The following EYS variants were observed in gnomAD, a reference collection of about 807,000 sequenced individuals.
EYS encodes protein eyes shut homolog.
Under a neutral mutation model 282.1 loss-of-function variants are expected in EYS, and 250 were observed. The observed-to-expected ratio is 0.89, with a 90% CI of 0.80 to 0.98. The LOEUF (loss-of-function observed/expected upper bound fraction) is 0.98, where lower values mean the gene tolerates loss of function less well. Ranked by LOEUF, EYS falls within the 50% of genes least tolerant of loss-of-function variation. EYS has a pLI of 0.00. For missense variants in EYS, 4,016 were observed against 3,709.0 expected (o/e 1.08, Z -2.15); for synonymous variants, 1,355 against 1,282.9 (o/e 1.06, Z -1.20).
chr6:65,311,706 G>A (rs1431833788), intron 11 of EYS, among the ~76,000 whole-genome samples: 1 of 152,192 alleles, frequency 6.6e-6, no homozygotes, highest in African/African-American at 2.4e-5. Flanking sequence ...AATGTTGGAA[G>A]CAACCATGTG....
At chr6:64,714,237 T>C (rs1287212075) in intron 22 of EYS, among the ~76,000 whole-genome samples, 1 of 152,140 alleles carries the variant, frequency 6.6e-6, no homozygotes, top group Non-Finnish European at 1.5e-5. Flanking sequence ...AAAACCTCAT[T>C]GTTTTGGGCT....
At chr6:63,724,344 A>T (rs768501954) in intron 42 of EYS, among the ~76,000 whole-genome samples, 5 of 152,184 alleles carry the variant, frequency 3.3e-5, no homozygotes, top group Non-Finnish European at 7.3e-5. Flanking sequence ...GAGACTACAG[A>T]ATCAGCATAT....
rs533999994 is a variant in EYS at position 65,279,245 on chromosome 6, G to T, written c.2023+16618C>A. On this transcript the variant is annotated intron_variant, in intron 12 of 42. Transcript: ENST00000503581. ...ATATGGTACCTGTTTACCTCAAGAT[G>T]TCTGTGCTTAGGGCTCTCTCTTCCT... Among the ~76,000 whole-genome samples the T allele has an allele frequency of 3.3e-5, 5 of 151,710 alleles. No individual in the cohort carries two copies. In the East Asian group the frequency reaches 9.7e-4, roughly 29 times the overall value.
chr6:64,291,183 A>G (rs573912498), intron 30 of EYS, among the ~76,000 whole-genome samples: 2 of 151,896 alleles, frequency 1.3e-5, no homozygotes, highest in Non-Finnish European at 2.9e-5. Flanking sequence ...GCCTGAGGGG[A>G]CTAGAGGATA....
At chr6:64,308,534 A>G (rs934320431) in intron 29 of EYS, among the ~76,000 whole-genome samples, 9 of 152,056 alleles carry the variant, frequency 5.9e-5, no homozygotes, top group African/African-American at 1.9e-4. Context: ...CCAAATTATG[A>G]CCAGAGAAAC....
At chr6:64,686,817 A>ATC (rs1770139765) in intron 22 of EYS, among the ~76,000 whole-genome samples, 1 of 43,794 alleles carries the variant, frequency 2.3e-5, no homozygotes, top group African/African-American at 7.4e-5. Context: ...GTGTATATAT[A>ATC]TATGTGTATA....
At chr6:65,290,073 A>G (rs1048974902) in intron 12 of EYS, among the ~76,000 whole-genome samples, 2 of 151,190 alleles carry the variant, frequency 1.3e-5, no homozygotes, top group East Asian at 1.9e-4. Context: ...TTAATTTAAT[A>G]TTTTTAGAAT....
At chr6:64,962,822 G>C (rs1201010871) in intron 14 of EYS, among the ~76,000 whole-genome samples, 1 of 152,048 alleles carries the variant, frequency 6.6e-6, no homozygotes. Flanking sequence ...GATTACCGAA[G>C]AGTAAGTATA....
intron 41 of EYS, chr6:63,741,944 T>C (rs1290083794): frequency 1.4e-6 from 1 of 702,338 alleles, no homozygotes; most frequent in African/African-American, 1.7e-5. Context: ...CTGCTGGTTT[T>C]GGCTTTTCCA....
chr6:64,693,513 C>G (rs956563463), intron 22 of EYS, among the ~76,000 whole-genome samples: 16 of 152,046 alleles, frequency 1.1e-4, no homozygotes, highest in African/African-American at 3.9e-4. Context: ...GCATCATTTA[C>G]AGGGGTGCCA....
At chr6:64,808,574 A>G (rs1481211823) in intron 22 of EYS, among the ~76,000 whole-genome samples, 1 of 152,040 alleles carries the variant, frequency 6.6e-6, no homozygotes, top group Non-Finnish European at 1.5e-5. Flanking sequence ...ACGTTAGACA[A>G]GACCACTGAA....
chr6:65,646,776 A>C (rs1264410991), intron 1 of EYS, among the ~76,000 whole-genome samples: 2 of 152,176 alleles, frequency 1.3e-5, no homozygotes, highest in Non-Finnish European at 2.9e-5. Context: ...AACCCTAAAG[A>C]CTTATCTAAA....
chr6:65,491,265 TTA>T (rs201350300), intron 4 of EYS: 3,319 of 163,532 alleles, frequency 0.02, 92 homozygotes, highest in African/African-American at 0.075. Flanking sequence ...ACTATATCAG[TTA>T]TATACACACA....
chr6:64,727,746 G>C (rs919404730), intron 22 of EYS, among the ~76,000 whole-genome samples: 1 of 152,136 alleles, frequency 6.6e-6, no homozygotes, highest in Non-Finnish European at 1.5e-5. Flanking sequence ...TTTAGACAGT[G>C]ACCCAATCCT....
intron 12 of EYS, among the ~76,000 whole-genome samples, chr6:65,129,971 T>G (rs1033424187): frequency 2.0e-5 from 3 of 151,844 alleles, no homozygotes; most frequent in African/African-American, 7.2e-5. Context: ...GAATCTTATA[T>G]AGCCATAAAA....
chr6:64,966,373 T>C (rs910820079), intron 14 of EYS, among the ~76,000 whole-genome samples: 1 of 152,218 alleles, frequency 6.6e-6, no homozygotes, highest in Non-Finnish European at 1.5e-5. Flanking sequence ...AGCTTGTTAA[T>C]GATTTGGCAG....
chr6:64,409,224 C>A (rs1773812605), intron 28 of EYS, among the ~76,000 whole-genome samples: 2 of 152,078 alleles, frequency 1.3e-5, no homozygotes, highest in Non-Finnish European at 2.9e-5. Context: ...GATTCCATAT[C>A]TTTTCTATTG....
At chr6:64,050,356 T>A (rs2149843674) in intron 33 of EYS, among the ~76,000 whole-genome samples, 1 of 152,312 alleles carries the variant, frequency 6.6e-6, no homozygotes, top group South Asian at 2.1e-4. Flanking sequence ...TGTTTACTTG[T>A]TTCTTACATT....
At chr6:63,900,543 G>A (rs965393169) in intron 35 of EYS, among the ~76,000 whole-genome samples, 3 of 152,286 alleles carry the variant, frequency 2.0e-5, no homozygotes, top group Non-Finnish European at 4.4e-5. Flanking sequence ...AGAAGTCCCA[G>A]GTCACTCACC....
Sources: allele counts gnomAD v4.1 joint callset (sites outside exome capture counted in the v4.1 genomes callset), GRCh38; gene constraint gnomAD v4.1.1; transcripts MANE v1.5; gene names NCBI Gene and HGNC (gene_info 2026-07-23, HGNC 2026-07-21).